The following MLLT10 variants were observed in gnomAD, a reference collection of about 807,000 sequenced individuals.
MLLT10 encodes protein AF-10.
MLLT10 carries 30 observed loss-of-function variants against 129.1 expected under a neutral mutation model. The ratio of observed to expected loss-of-function variants is 0.23; its 90% CI spans 0.17 to 0.32. MLLT10 has a LOEUF of 0.32. Among genes scored for constraint, MLLT10 ranks in the 10% least tolerant of loss-of-function variants. The probability of loss-of-function intolerance (pLI) is 1.00; values close to 1 mark genes in which losing one functional copy is unlikely to be tolerated. For synonymous variants in MLLT10, 490 were observed against 446.4 expected (o/e 1.10, Z -1.23); for missense variants, 1,119 against 1,268.3 (o/e 0.88, Z 1.79).
intron 14 of MLLT10, among the ~76,000 whole-genome samples, chr10:21,720,566 A>G (rs371099650): frequency 3.9e-5 from 6 of 152,248 alleles, no homozygotes; most frequent in Non-Finnish European, 7.3e-5. Context: ...AATTCAAACA[A>G]TAATATAAAT....
intron 9 of MLLT10, among the ~76,000 whole-genome samples, chr10:21,658,424 G>A (rs569038708): frequency 1.3e-5 from 2 of 152,050 alleles, no homozygotes; most frequent in Non-Finnish European, 2.9e-5. Flanking sequence ...TTTTCTTGTT[G>A]TATGTTTTAA....
intron 9 of MLLT10, among the ~76,000 whole-genome samples, chr10:21,667,217 TAAAAAG>T (rs1485219935): frequency 6.6e-6 from 1 of 152,014 alleles, no homozygotes; most frequent in Non-Finnish European, 1.5e-5. Context: ...AAGACATCCT[TAAAAAG>T]AAAAAAGAAA....
intron 3 of MLLT10, among the ~76,000 whole-genome samples, chr10:21,567,160 A>G (rs1257071182): frequency 6.6e-6 from 1 of 152,116 alleles, no homozygotes; most frequent in Non-Finnish European, 1.5e-5. Flanking sequence ...AAACCTGGGC[A>G]TTTTTGTATT....
intron 3 of MLLT10, among the ~76,000 whole-genome samples, chr10:21,560,828 T>C (rs1298007503): frequency 6.6e-6 from 1 of 152,052 alleles, no homozygotes; most frequent in Non-Finnish European, 1.5e-5. Flanking sequence ...TTCCCAGTCA[T>C]TAGTGATACA....
intron 21 of MLLT10, among the ~76,000 whole-genome samples, chr10:21,737,119 T>C (rs550566725): frequency 2.0e-4 from 7 of 35,808 alleles, no homozygotes; most frequent in East Asian, 3.2e-3. Context: ...TTCCAGTTAA[T>C]TGGGAGGCTG....
chr10:21,541,970 C>G (rs888477157), intron 3 of MLLT10, among the ~76,000 whole-genome samples: 1 of 152,106 alleles, frequency 6.6e-6, no homozygotes, highest in Admixed American at 6.6e-5. Context: ...TAGCGTTACT[C>G]TTTGACTTTT....
chr10:21,663,591 G>A (rs1354369959), intron 9 of MLLT10, among the ~76,000 whole-genome samples: 1 of 149,144 alleles, frequency 6.7e-6, no homozygotes, highest in African/African-American at 2.5e-5. Flanking sequence ...TTTTGAGAGA[G>A]TCTTGCTCTG....
In MLLT10 at chr10:21,649,221, T is replaced by A. The variant is rs563666985; in HGVS notation, c.700-2452T>A. 5.9e-5 allele frequency among the ~76,000 whole-genome samples: 9 copies of A among 152,170 alleles called. No homozygotes were observed. In the East Asian group the frequency reaches 1.7e-3, roughly 29 times the overall value. On this transcript the variant is annotated intron_variant, in intron 8 of 22. Coordinates refer to ENST00000307729, the MANE Select transcript of MLLT10 (RefSeq NM_001195626.3). ...CCTCTTAGTAGCTGGGACCACAGGT[T>A]TACACCACCACACTTGGCTAATTTT...
chr10:21,597,397 TCTCA>T (rs2043122958), intron 5 of MLLT10, among the ~76,000 whole-genome samples: 1 of 152,154 alleles, frequency 6.6e-6, no homozygotes, highest in Non-Finnish European at 1.5e-5. Context: ...TTGTACAGAG[TCTCA>T]CTCTGTCACC....
At chr10:21,614,719 G>A (rs1481701581) in intron 6 of MLLT10, 112 bp from the exon 7 acceptor site, 1 of 737,690 alleles carries the variant, frequency 1.4e-6, no homozygotes, top group African/African-American at 1.8e-5. Flanking sequence ...TTTTTTCTTA[G>A]GAGATGTTAT....
At chr10:21,538,446 A>G (rs900639433) in intron 2 of MLLT10, among the ~76,000 whole-genome samples, 1 of 151,954 alleles carries the variant, frequency 6.6e-6, no homozygotes, top group Non-Finnish European at 1.5e-5. Flanking sequence ...TATAGGTGTG[A>G]GCCACTGCGC....
intron 13 of MLLT10, among the ~76,000 whole-genome samples, chr10:21,693,317 T>C (rs1411558765): frequency 1.3e-5 from 2 of 152,156 alleles, no homozygotes; most frequent in African/African-American, 4.8e-5. Flanking sequence ...TACATTTAAC[T>C]CCTCATACTC....
At chr10:21,551,322 A>G (rs1188189299) in intron 3 of MLLT10, among the ~76,000 whole-genome samples, 1 of 142,606 alleles carries the variant, frequency 7.0e-6, no homozygotes, top group Admixed American at 7.0e-5. Flanking sequence ...TTTTTACATA[A>G]CACAAATAAC....
intron 21 of MLLT10, among the ~76,000 whole-genome samples, chr10:21,738,002 GCTCATGCC>G (rs1313716155): frequency 6.6e-6 from 1 of 152,128 alleles, no homozygotes; most frequent in Non-Finnish European, 1.5e-5. Context: ...GGGCGTGGTG[GCTCATGCC>G]TGTAATCCCA....
chr10:21,562,764 T>G (rs1179477707), intron 3 of MLLT10, among the ~76,000 whole-genome samples: 6 of 151,936 alleles, frequency 3.9e-5, no homozygotes, highest in Admixed American at 3.9e-4. Flanking sequence ...GATTTTTCTG[T>G]GTACGAATCT....
chr10:21,621,767 C>A (rs2045886175), intron 8 of MLLT10, among the ~76,000 whole-genome samples: 1 of 152,196 alleles, frequency 6.6e-6, no homozygotes, highest in African/African-American at 2.4e-5. Flanking sequence ...AGACCAGTTT[C>A]ATTTCCCATG....
At chr10:21,598,320 A>G (rs1176700936) in intron 5 of MLLT10, among the ~76,000 whole-genome samples, 3 of 152,178 alleles carry the variant, frequency 2.0e-5, no homozygotes, top group South Asian at 2.1e-4. Context: ...TTGACCTATC[A>G]TTTCAGAGAA....
At chr10:21,638,483 T>C (rs1471839225) in intron 8 of MLLT10, among the ~76,000 whole-genome samples, 1 of 152,034 alleles carries the variant, frequency 6.6e-6, no homozygotes, top group East Asian at 1.9e-4. Flanking sequence ...TCCTGGGATC[T>C]TTTCCTTTCA....
intron 13 of MLLT10, among the ~76,000 whole-genome samples, chr10:21,696,147 C>G (rs1365046585): frequency 2.6e-5 from 4 of 151,854 alleles, no homozygotes; most frequent in African/African-American, 9.7e-5. Context: ...GCTAAGGCAG[C>G]CTGTTTGGCC....
Sources: allele counts gnomAD v4.1 joint callset (sites outside exome capture counted in the v4.1 genomes callset), GRCh38; gene constraint gnomAD v4.1.1; transcripts MANE v1.5; gene names NCBI Gene and HGNC (gene_info 2026-07-23, HGNC 2026-07-21).